NLGN1: variants seen among roughly 807,000 people sequenced by gnomAD.
NLGN1 encodes neuroligin-1.
A neutral mutation model predicts 65.5 loss-of-function variants in NLGN1; 12 were observed. The observed-to-expected ratio is 0.18, with a 90% confidence interval of 0.12 to 0.30. NLGN1 has a LOEUF of 0.30. Ranked by LOEUF, NLGN1 falls within the 10% of genes least tolerant of loss-of-function variation. The probability of loss-of-function intolerance (pLI) is 1.00; values close to 1 mark genes in which losing one functional copy is unlikely to be tolerated. For missense variants in NLGN1, 750 were observed against 1,007.1 expected, an observed-to-expected ratio of 0.74 and a Z score of 3.46; for synonymous variants, 350 against 359.5, an observed-to-expected ratio of 0.97 and a Z score of 0.30.
intron 3 of NLGN1, among the ~76,000 whole-genome samples, chr3:173,738,458 A>G (rs1185990225): frequency 6.6e-6 from 1 of 152,050 alleles, no homozygotes; most frequent in East Asian, 1.9e-4. Context: ...ATTTTTTTAC[A>G]TGTTGATATC....
chr3:174,025,670 A>C (rs778649199), intron 4 of NLGN1, among the ~76,000 whole-genome samples: 13 of 152,200 alleles, frequency 8.5e-5, no homozygotes, highest in Non-Finnish European at 1.6e-4. Context: ...ATTTTATATC[A>C]ATCAGATGGA....
chr3:173,490,574 T>C (rs1243020511), intron 2 of NLGN1, among the ~76,000 whole-genome samples: 7 of 152,124 alleles, frequency 4.6e-5, no homozygotes, highest in African/African-American at 1.2e-4. Flanking sequence ...CTTGGCAATG[T>C]GGGCTCTTTT....
chr3:174,261,294 A>G (rs1311215252), intron 4 of NLGN1, among the ~76,000 whole-genome samples: 5 of 148,428 alleles, frequency 3.4e-5, no homozygotes, highest in Non-Finnish European at 7.4e-5. Flanking sequence ...CATTTTCACG[A>G]TATTGATTCT....
rs976183473 is a variant in NLGN1 at position 173,839,720 on chromosome 3, C to T, written c.646+31888C>T. Among the ~76,000 whole-genome samples the T allele has an allele frequency of 2.6e-5, 4 of 152,200 alleles. No individual in the cohort carries two copies. The Middle Eastern group carries it at 0.01, about 388-fold the overall frequency. Reference sequence around the variant, plus strand: ...ACAGGCGTGAGCCGCTGCGCCCAGCCGAGAAGTTTTTAAAGCTAGTGTGCA... The same window carrying T: ...ACAGGCGTGAGCCGCTGCGCCCAGCTGAGAAGTTTTTAAAGCTAGTGTGCA... On this transcript the variant is annotated intron_variant, in intron 4 of 6. Transcript: ENST00000457714.
At chr3:174,231,346 G>T (rs1246316749) in intron 4 of NLGN1, among the ~76,000 whole-genome samples, 4 of 152,174 alleles carry the variant, frequency 2.6e-5, no homozygotes, top group Non-Finnish European at 5.9e-5. Context: ...TGACCTACAG[G>T]AATTGGAAGC....
Position 174,212,922 on chromosome 3 carries a change from T to C in NLGN1, c.647-62393T>C, listed in dbSNP as rs561864249. ...CAAGGCTGGTCAGGTCCTTTTCATA[T>C]CATACCGCTCTGACCTTCTCTTCTG... On this transcript the variant is annotated intron_variant, in intron 4 of 6. Coordinates refer to ENST00000457714, the Ensembl canonical transcript of NLGN1. Among the ~76,000 whole-genome samples the C allele has an allele frequency of 3.3e-5, 5 of 152,326 alleles. No individual in the cohort carries two copies. The East Asian group carries it at 9.7e-4, about 30-fold the overall frequency.
chr3:173,846,290 A>G (rs1343521492), intron 4 of NLGN1, among the ~76,000 whole-genome samples: 1 of 152,208 alleles, frequency 6.6e-6, no homozygotes, highest in African/African-American at 2.4e-5. Context: ...ATTCTGTTAG[A>G]TTCTCAGGCC....
At chr3:174,076,043 G>A (rs1283510345) in intron 4 of NLGN1, among the ~76,000 whole-genome samples, 2 of 152,030 alleles carry the variant, frequency 1.3e-5, no homozygotes, top group African/African-American at 2.4e-5. Flanking sequence ...GCTCATAATT[G>A]TAAAACCAAT....
chr3:173,401,714 A>G (rs1049022169), intron 1 of NLGN1, among the ~76,000 whole-genome samples: 29 of 152,192 alleles, frequency 1.9e-4, no homozygotes, highest in African/African-American at 6.8e-4. Flanking sequence ...GGGGAAATGG[A>G]TTTGGTTTTG....
chr3:174,137,072 C>T (rs1177098379), intron 4 of NLGN1, among the ~76,000 whole-genome samples: 1 of 152,048 alleles, frequency 6.6e-6, no homozygotes, highest in Non-Finnish European at 1.5e-5. Flanking sequence ...TTGAATATCT[C>T]ATGTAATTTA....
At chr3:173,998,048 T>C (rs548629848) in intron 4 of NLGN1, among the ~76,000 whole-genome samples, 2 of 152,170 alleles carry the variant, frequency 1.3e-5, no homozygotes, top group South Asian at 4.1e-4. Flanking sequence ...GAGATGGCTA[T>C]GGCTAACCTT....
At chr3:173,922,459 C>A (rs920391139) in intron 4 of NLGN1, among the ~76,000 whole-genome samples, 6 of 151,976 alleles carry the variant, frequency 3.9e-5, no homozygotes, top group Admixed American at 3.3e-4. Flanking sequence ...TGCATCTGAA[C>A]ATATTTGTTC....
At chr3:174,217,843 A>G (rs1370362132) in intron 4 of NLGN1, among the ~76,000 whole-genome samples, 3 of 152,048 alleles carry the variant, frequency 2.0e-5, no homozygotes, top group Non-Finnish European at 2.9e-5. Flanking sequence ...AGGGGACTAT[A>G]TACATACATC....
At chr3:173,539,641 T>TGTATATATGC (rs1165764509) in intron 2 of NLGN1, among the ~76,000 whole-genome samples, 12 of 58,276 alleles carry the variant, frequency 2.1e-4, no homozygotes, top group East Asian at 2.0e-3. Flanking sequence ...TACACATATA[T>TGTATATATGC]ACATATATAA....
chr3:173,871,026 CACTATCCGATTCTCCAGGAA>C (rs1356922667), intron 4 of NLGN1, among the ~76,000 whole-genome samples: 1 of 152,176 alleles, frequency 6.6e-6, no homozygotes, highest in Non-Finnish European at 1.5e-5. Context: ...CTTTCAGCCC[CACTATCCGATTCTCCAGGAA>C]GGGTAGGGAA....
In NLGN1 at chr3:174,011,025, G is replaced by A. The variant is rs116256405; in HGVS notation, c.646+203193G>A. 6.1e-3 allele frequency among the ~76,000 whole-genome samples: 929 copies of A among 152,192 alleles called. 5 individuals carry two copies. Among genetic ancestry groups the A allele is most frequent in the African/African-American group, 0.021 (875 of 41,532 alleles). On this transcript the variant is annotated intron_variant, in intron 4 of 6. Transcript: ENST00000457714. Reference sequence around the variant, plus strand: ...TTATAGAAATAGAATACATTAACAGGAAACCATTAAATACAATTTACGTAT... The same window carrying A: ...TTATAGAAATAGAATACATTAACAGAAAACCATTAAATACAATTTACGTAT...
intron 4 of NLGN1, among the ~76,000 whole-genome samples, chr3:174,055,952 C>T (rs1347371638): frequency 6.6e-6 from 1 of 151,474 alleles, no homozygotes; most frequent in East Asian, 1.9e-4. Context: ...CCCATTGTCT[C>T]TGTCCTAGTA....
chr3:174,229,785 T>C (rs1378877743), intron 4 of NLGN1, among the ~76,000 whole-genome samples: 1 of 152,204 alleles, frequency 6.6e-6, no homozygotes, highest in Non-Finnish European at 1.5e-5. Flanking sequence ...GCTTTTGAAA[T>C]AATTTCTTTT....
At chr3:173,761,170 G>C (rs1367576270) in intron 3 of NLGN1, among the ~76,000 whole-genome samples, 1 of 152,004 alleles carries the variant, frequency 6.6e-6, no homozygotes, top group Admixed American at 6.6e-5. Context: ...ATAAGTTAGT[G>C]TGCAATGACT....
Sources: gnomAD v4.1 joint callset for allele counts (sites outside exome capture counted in the v4.1 genomes callset) on GRCh38, gnomAD v4.1.1 for gene constraint, MANE v1.5 for transcripts, NCBI Gene and HGNC (gene_info 2026-07-23, HGNC 2026-07-21) for gene names.